ARHGEF7: variants seen among roughly 807,000 people sequenced by gnomAD.
The protein encoded by ARHGEF7 is Rho guanine nucleotide exchange factor 7, also known as PAK-interacting exchange factor beta.
Under a neutral mutation model 109.8 loss-of-function variants are expected in ARHGEF7, and 33 were observed. The ratio of observed to expected loss-of-function variants is 0.30; its 90% CI spans 0.23 to 0.40. The LOEUF is 0.40. Among genes scored for constraint, ARHGEF7 ranks in the 10% least tolerant of loss-of-function variants. ARHGEF7 has a pLI of 1.00. For missense variants in ARHGEF7, 938 were observed against 1,098.5 expected (o/e 0.85, Z 2.07); for synonymous variants, 458 against 424.6 (o/e 1.08, Z -0.97).
intron 1 of ARHGEF7, among the ~76,000 whole-genome samples, chr13:111,138,425 G>A (rs1189658737): frequency 1.3e-5 from 2 of 151,324 alleles, no homozygotes; most frequent in African/African-American, 4.9e-5. Context: ...AGGTTGCAGT[G>A]AGCCGAGATC....
rs919298582 is a variant in ARHGEF7, at chr13:111,119,887, CAT to C, written c.165+4197_165+4198del. 3.1e-4 allele frequency among the ~76,000 whole-genome samples: 47 copies of C among 152,230 alleles called. 1 individual carries two copies. The highest frequency in any genetic ancestry group is 1.1e-3 in the African/African-American group (46 of 41,540). On this transcript the variant is annotated intron_variant, in intron 1 of 21. Coordinates refer to ENST00000646102, the MANE Select transcript of ARHGEF7 (RefSeq NM_001354046.2). ...CTAAAAAGAACGTGATGAGTGATCA[CAT>C]GTGGTGGTAGGGTAAGGTTCTCACT...
chr13:111,119,069 G>T (rs2066995651), intron 1 of ARHGEF7, among the ~76,000 whole-genome samples: 1 of 152,158 alleles, frequency 6.6e-6, no homozygotes, highest in Non-Finnish European at 1.5e-5. Flanking sequence ...TCCAAGGAGG[G>T]GTCTGTCCCA....
intron 8 of ARHGEF7, among the ~76,000 whole-genome samples, chr13:111,259,347 G>A (rs959045864): frequency 2.0e-5 from 3 of 152,150 alleles, no homozygotes; most frequent in Non-Finnish European, 4.4e-5. Context: ...CAGGGGTATT[G>A]TGTCATCCTT....
intron 2 of ARHGEF7, among the ~76,000 whole-genome samples, chr13:111,173,825 G>A (rs68045045): frequency 1.3e-5 from 2 of 152,002 alleles, no homozygotes; most frequent in African/African-American, 2.4e-5. Context: ...GGGTGTGCCC[G>A]TGAGACAGGT....
chr13:111,227,514 T>G (rs2085371741), intron 5 of ARHGEF7, among the ~76,000 whole-genome samples: 1 of 152,238 alleles, frequency 6.6e-6, no homozygotes, highest in Non-Finnish European at 1.5e-5. Context: ...TTTTTTTAAC[T>G]AAGGAATGTA....
intron 1 of ARHGEF7, among the ~76,000 whole-genome samples, chr13:111,121,496 C>T (rs1027762547): frequency 3.3e-5 from 5 of 152,184 alleles, no homozygotes; most frequent in East Asian, 1.9e-4. Context: ...AGAGTGGAGG[C>T]GATGGGGGCT....
chr13:111,215,845 A>G (rs993841305), intron 4 of ARHGEF7, among the ~76,000 whole-genome samples: 6 of 152,002 alleles, frequency 3.9e-5, no homozygotes, highest in Admixed American at 6.5e-5. Flanking sequence ...GCCGCCTTCC[A>G]TTGTCACCTG....
intron 4 of ARHGEF7, among the ~76,000 whole-genome samples, chr13:111,214,088 C>T (rs1438025570): frequency 2.6e-5 from 4 of 152,244 alleles, no homozygotes; most frequent in Non-Finnish European, 4.4e-5. Context: ...TGCCTGCCCC[C>T]TGTACCCTTC....
At chr13:111,205,678 G>A (rs1017625331) in intron 3 of ARHGEF7, among the ~76,000 whole-genome samples, 3 of 152,110 alleles carry the variant, frequency 2.0e-5, no homozygotes, top group African/African-American at 7.2e-5. Context: ...CTGTGTTGGA[G>A]CTAGAAGCAC....
intron 5 of ARHGEF7, among the ~76,000 whole-genome samples, chr13:111,221,505 A>AGATATATAGACATC (rs2084250505): frequency 1.3e-5 from 1 of 74,652 alleles, no homozygotes; most frequent in Non-Finnish European, 2.5e-5. Flanking sequence ...ATATATATCT[A>AGATATATAGACATC]TATATATAGA....
intron 1 of ARHGEF7, among the ~76,000 whole-genome samples, chr13:111,146,553 C>T (rs1054307748): frequency 6.6e-6 from 1 of 152,216 alleles, no homozygotes; most frequent in African/African-American, 2.4e-5. Context: ...ATAAATACTT[C>T]TCAGATGTGA....
intron 19 of ARHGEF7, 56 bp downstream of exon 19, chr13:111,292,350 C>T (rs1426938233): frequency 6.2e-7 from 1 of 1,602,828 alleles, no homozygotes; most frequent in Non-Finnish European, 8.5e-7. Context: ...CTGAGCTTTT[C>T]TTAACAAATG....
chr13:111,206,409 G>A (rs972584217), intron 3 of ARHGEF7, among the ~76,000 whole-genome samples: 3 of 152,150 alleles, frequency 2.0e-5, no homozygotes, highest in Non-Finnish European at 2.9e-5. Context: ...TGCTGCTGCT[G>A]ATGCTGATGC....
At chr13:111,172,550 T>G (rs1381601529) in intron 2 of ARHGEF7, among the ~76,000 whole-genome samples, 1 of 152,232 alleles carries the variant, frequency 6.6e-6, no homozygotes, top group African/African-American at 2.4e-5. Context: ...TCACACTTTT[T>G]GGGAACCATT....
chr13:111,167,782 A>G (rs917829340), intron 2 of ARHGEF7, among the ~76,000 whole-genome samples: 1 of 152,174 alleles, frequency 6.6e-6, no homozygotes, highest in South Asian at 2.1e-4. Context: ...TTTTTCAGGA[A>G]CTGAGGCCAT....
intron 5 of ARHGEF7, among the ~76,000 whole-genome samples, chr13:111,229,037 T>G (rs2153519871): frequency 6.6e-6 from 1 of 152,086 alleles, no homozygotes. Context: ...TTCCCAGCCC[T>G]GTGATGGTGG....
intron 1 of ARHGEF7, among the ~76,000 whole-genome samples, chr13:111,130,873 C>T (rs1232175810): frequency 6.6e-6 from 1 of 152,146 alleles, no homozygotes. Flanking sequence ...GGGGCATGCA[C>T]CCCTACACAG....
intron 13 of ARHGEF7, 67 bp downstream of exon 13, chr13:111,277,740 T>C: frequency 8.9e-7 from 1 of 1,124,584 alleles, no homozygotes; most frequent in Non-Finnish European, 1.3e-6. Context: ...GCTTTGAATT[T>C]TGTGTTAAAT....
At position 111,273,902 on chromosome 13, in the gene ARHGEF7, C is replaced by T. The variant is rs756124555; in HGVS notation, c.1162C>T (p.Arg388Cys). ...LTTGLSKPFM[R>C]LDKYPTLLKE... is the part of the protein sequence containing the mutation. ...CACGGGCCTGAGCAAACCCTTCATGCGCCTGGATAAATACCCTACGCTGCT... is the reference window on the plus strand; with the variant it reads ...CACGGGCCTGAGCAAACCCTTCATGTGCCTGGATAAATACCCTACGCTGCT... Residue 388 changes from arginine (R) to cysteine (C), a missense_variant, in exon 10 of 22, where the codon CGC becomes TGC. This residue lies in a region of ARHGEF7 where 585 missense variants were observed against 723.6 expected (regional missense o/e 0.81). Transcript: ENST00000646102. This position sits in a 1 kb window ranked among gnomAD's most constrained non-coding sequence, Gnocchi z 4.5. 10 of 1,614,168 alleles carry T rather than the reference C, an allele frequency of 6.2e-6. No homozygotes were observed. The highest frequency in any genetic ancestry group is 6.8e-6 in the Non-Finnish European group (8 of 1,180,034).
Sources: gnomAD v4.1 joint callset for allele counts (sites outside exome capture counted in the v4.1 genomes callset) on GRCh38, gnomAD v4.1.1 for gene constraint, gnomAD v4.1.1 regional missense constraint, Gnocchi (gnomAD v3.1) non-coding constraint, MANE v1.5 for transcripts, NCBI Gene and HGNC (gene_info 2026-07-23, HGNC 2026-07-21) for gene names.